Variants in SORCS3 observed in about 807,000 individuals in gnomAD.
SORCS3 encodes VPS10 domain-containing receptor SorCS3.
SORCS3 carries 57 observed loss-of-function variants against 146.3 expected under a neutral mutation model. The ratio of observed to expected loss-of-function variants is 0.39; its 90% CI spans 0.31 to 0.49. The LOEUF (loss-of-function observed/expected upper bound fraction) is 0.49, where lower values mean the gene tolerates loss of function less well. Ranked by LOEUF, SORCS3 falls within the 20% of genes least tolerant of loss-of-function variation. The probability of loss-of-function intolerance (pLI) is 0.92; values close to 1 mark genes in which losing one functional copy is unlikely to be tolerated. For missense variants in SORCS3, 1,341 were observed against 1,575.5 expected, an observed-to-expected ratio of 0.85 and a Z score of 2.52; for synonymous variants, 653 against 618.5, an observed-to-expected ratio of 1.06 and a Z score of -0.83.
At chr10:104,748,929 C>G (rs1317262089) in intron 1 of SORCS3, among the ~76,000 whole-genome samples, 4 of 152,104 alleles carry the variant, frequency 2.6e-5, no homozygotes, top group Non-Finnish European at 5.9e-5. Context: ...CAGCAGATTC[C>G]CAGAAGAGGG....
rs566222249 is a variant in SORCS3, at chr10:105,073,629, C to T, written c.1029-16146C>T. Among the ~76,000 whole-genome samples the T allele has an allele frequency of 1.1e-3, 171 of 152,194 alleles. 1 individual carries two copies. The highest frequency in any genetic ancestry group is 3.4e-3 in the Middle Eastern group (1 of 294). ...GCAGTCCTAAGTGGGGAACTATCTT[C>T]AGTTCTGGGGCAGGGAGTGGAGGCA... On this transcript the variant is annotated intron_variant, in intron 5 of 26. Coordinates refer to ENST00000369701, the MANE Select transcript of SORCS3 (RefSeq NM_014978.3).
At chr10:105,228,400 TTTC>T (rs2056746976) in intron 20 of SORCS3, among the ~76,000 whole-genome samples, 6 of 151,688 alleles carry the variant, frequency 4.0e-5, no homozygotes, top group Admixed American at 3.9e-4. Flanking sequence ...TTTCCTTCTG[TTTC>T]TTCTTTCTTT....
chr10:105,230,579 G>T (rs1048664086), intron 20 of SORCS3, among the ~76,000 whole-genome samples: 10 of 152,152 alleles, frequency 6.6e-5, no homozygotes, highest in Non-Finnish European at 1.3e-4. Flanking sequence ...CCCAGCCCAC[G>T]GCAGCAGCCC....
intron 4 of SORCS3, among the ~76,000 whole-genome samples, chr10:105,016,170 T>TTTTTA (rs2055166315): frequency 7.1e-6 from 1 of 140,654 alleles, no homozygotes; most frequent in African/African-American, 2.7e-5. Flanking sequence ...TTTTTTTTTT[T>TTTTTA]GAGATGGAGT....
chr10:105,077,521 A>AACACACACAC (rs60182481), intron 5 of SORCS3, among the ~76,000 whole-genome samples: 127 of 116,678 alleles, frequency 1.1e-3, no homozygotes, highest in East Asian at 0.01. Flanking sequence ...GACTAAATTA[A>AACACACACAC]ACACACACAC....
intron 7 of SORCS3, among the ~76,000 whole-genome samples, chr10:105,128,396 T>C (rs2055991635): frequency 6.6e-6 from 1 of 152,172 alleles, no homozygotes; most frequent in African/African-American, 2.4e-5. Flanking sequence ...GAAACTTTGC[T>C]GTTGTATCTA....
intron 1 of SORCS3, among the ~76,000 whole-genome samples, chr10:104,726,519 C>T (rs1253016026): frequency 6.6e-6 from 1 of 152,116 alleles, no homozygotes; most frequent in Non-Finnish European, 1.5e-5. Context: ...CCAACCCAAG[C>T]TTCTCATGTC....
At chr10:104,872,284 T>C (rs2133568725) in intron 2 of SORCS3, among the ~76,000 whole-genome samples, 1 of 152,300 alleles carries the variant, frequency 6.6e-6, no homozygotes, top group East Asian at 1.9e-4. Context: ...GTGACTCCCC[T>C]GTGACCTTGG....
intron 2 of SORCS3, among the ~76,000 whole-genome samples, chr10:104,857,019 C>T (rs1322865367): frequency 6.7e-6 from 1 of 149,332 alleles, no homozygotes; most frequent in Non-Finnish European, 1.5e-5. Context: ...TTTGGAGGAT[C>T]AGAGGATGCT....
intron 16 of SORCS3, among the ~76,000 whole-genome samples, chr10:105,205,685 A>G (rs1191464215): frequency 6.6e-6 from 1 of 152,300 alleles, no homozygotes; most frequent in Non-Finnish European, 1.5e-5. Context: ...TATTATGCCC[A>G]GGAGTTCTTT....
At chr10:104,843,334 T>G (rs1411266152) in intron 2 of SORCS3, among the ~76,000 whole-genome samples, 1 of 152,172 alleles carries the variant, frequency 6.6e-6, no homozygotes, top group Non-Finnish European at 1.5e-5. Flanking sequence ...CAAGTCTGCA[T>G]GATGATGTTC....
rs551543099 is a variant in SORCS3 at position 105,220,598 on chromosome 10, C to T, written c.2735-2518C>T. Among the ~76,000 whole-genome samples, 132 of 152,198 alleles carry T rather than the reference C, an allele frequency of 8.7e-4. 1 individual carries two copies. The highest frequency in any genetic ancestry group is 1.1e-3 in the Non-Finnish European group (75 of 68,016). On this transcript the variant is annotated intron_variant, in intron 19 of 26. Coordinates refer to ENST00000369701, the MANE Select transcript of SORCS3 (RefSeq NM_014978.3). ...ATAGCAGTGAGAAGAGAAGCAGTGA[C>T]TTTGAAGGTAAAAGGGTCCCCTAAA...
At chr10:104,675,990 G>A (rs1459018620) in intron 1 of SORCS3, among the ~76,000 whole-genome samples, 1 of 152,128 alleles carries the variant, frequency 6.6e-6, no homozygotes, top group African/African-American at 2.4e-5. Context: ...TCTCAGCAGT[G>A]TTTCATACTT....
chr10:104,694,716 C>G (rs572013059), intron 1 of SORCS3, among the ~76,000 whole-genome samples: 1 of 152,146 alleles, frequency 6.6e-6, no homozygotes, highest in African/African-American at 2.4e-5. Context: ...TCCTGCCTAG[C>G]CTTCATTCCC....
chr10:104,651,163 G>A (rs1054554212), intron 1 of SORCS3, among the ~76,000 whole-genome samples: 5 of 152,188 alleles, frequency 3.3e-5, no homozygotes, highest in African/African-American at 1.2e-4. Context: ...CCTTAGTGGT[G>A]AAAGAGTTGC....
At chr10:104,742,219 A>G (rs1214574768) in intron 1 of SORCS3, among the ~76,000 whole-genome samples, 1 of 152,160 alleles carries the variant, frequency 6.6e-6, no homozygotes, top group Non-Finnish European at 1.5e-5. Flanking sequence ...ACATGCAGAA[A>G]GGCTGAAACC....
At chr10:105,053,496 A>T (rs1273406107) in intron 5 of SORCS3, among the ~76,000 whole-genome samples, 1 of 152,112 alleles carries the variant, frequency 6.6e-6, no homozygotes, top group Non-Finnish European at 1.5e-5. Context: ...GAAGGCAAGA[A>T]AATAAAAAGA....
chr10:105,242,746 A>ATATATT (rs1564793824), intron 20 of SORCS3, among the ~76,000 whole-genome samples: 24 of 101,018 alleles, frequency 2.4e-4, no homozygotes, highest in African/African-American at 9.7e-4. Context: ...TTATATATTT[A>ATATATT]TATATATTTA....
chr10:104,794,650 AG>A (rs1392996362), intron 1 of SORCS3, among the ~76,000 whole-genome samples: 4 of 151,482 alleles, frequency 2.6e-5, no homozygotes, highest in South Asian at 2.1e-4. Flanking sequence ...AGAGAGAGAG[AG>A]AGAGAGAGAA....
Sources: gnomAD v4.1 joint callset for allele counts (sites outside exome capture counted in the v4.1 genomes callset) on GRCh38, gnomAD v4.1.1 for gene constraint, MANE v1.5 for transcripts, NCBI Gene and HGNC (gene_info 2026-07-23, HGNC 2026-07-21) for gene names.